The following NPRL3 variants were observed in gnomAD, a reference collection of about 807,000 sequenced individuals.
NPRL3 encodes the protein GATOR1 complex protein NPRL3.
Under a neutral mutation model 57.2 loss-of-function variants are expected in NPRL3, and 23 were observed. That is an observed-to-expected ratio of 0.40 (90% CI 0.29 to 0.57). NPRL3 has a LOEUF of 0.57. Ranked by LOEUF, NPRL3 falls within the 20% of genes least tolerant of loss-of-function variation. NPRL3 has a pLI of 0.42. For synonymous variants in NPRL3, 333 were observed against 321.1 expected, an observed-to-expected ratio of 1.04 and a Z score of -0.39; for missense variants, 691 against 767.1, an observed-to-expected ratio of 0.90 and a Z score of 1.17.
rs1395214982 is a variant in NPRL3, at chr16:136,848, T to C, written c.118+1302A>G. 2.0e-5 allele frequency among the ~76,000 whole-genome samples: 3 copies of C among 152,074 alleles called. No homozygotes were observed. The East Asian group carries it at 5.8e-4, about 29-fold the overall frequency. On this transcript the variant is annotated intron_variant, in intron 2 of 13. Coordinates refer to ENST00000611875, the MANE Select transcript of NPRL3 (RefSeq NM_001077350.3). ...CTTTCTTTTCATAATCTAAACTCCT[T>C]TGTATCTTTAAAACTTTCTGCCATA...
At chr16:98,348 T>C in intron 8 of NPRL3, 47 bp from the exon 9 acceptor site, 1 of 1,593,638 alleles carries the variant, frequency 6.3e-7, no homozygotes, top group Non-Finnish European at 8.5e-7. Context: ...GCAGGAACCC[T>C]GCACCGGGTA....
intron 3 of NPRL3, among the ~76,000 whole-genome samples, chr16:122,704 GACC>G (rs1349783280): frequency 6.6e-6 from 1 of 152,188 alleles, no homozygotes; most frequent in African/African-American, 2.4e-5. Flanking sequence ...AACAGGCCAG[GACC>G]TTCTATCACT....
intron 9 of NPRL3, among the ~76,000 whole-genome samples, chr16:93,850 C>T (rs1197620957): frequency 1.3e-5 from 2 of 152,142 alleles, no homozygotes; most frequent in Admixed American, 1.3e-4. Context: ...CATGAGCCAC[C>T]GCACCCGGCC....
At chr16:119,380 G>T in intron 3 of NPRL3, 125 bp from the exon 4 acceptor site, 1 of 880,244 alleles carries the variant, frequency 1.1e-6, no homozygotes, top group Non-Finnish European at 1.7e-6. Flanking sequence ...TGCCCCGACT[G>T]CTGGTGGAAG....
intron 3 of NPRL3, 31 bp downstream of exon 3, chr16:130,491 C>G: frequency 6.5e-7 from 1 of 1,543,218 alleles, no homozygotes; most frequent in Middle Eastern, 1.8e-4. Flanking sequence ...CCAGGACACG[C>G]CCCGCCCTGA....
At chr16:119,005 C>G in intron 4 of NPRL3, 121 bp downstream of exon 4, 2 of 1,424,338 alleles carry the variant, frequency 1.4e-6, no homozygotes, top group Non-Finnish European at 1.9e-6. Context: ...GAGAGCCACA[C>G]CTGCCCAGGG....
intron 6 of NPRL3, among the ~76,000 whole-genome samples, chr16:111,885 T>C (rs1899831395): frequency 6.6e-6 from 1 of 152,206 alleles, no homozygotes; most frequent in Non-Finnish European, 1.5e-5. Context: ...CCTAATTCTC[T>C]CTTTTGTTAT....
chr16:94,783 C>G (rs148182328), intron 9 of NPRL3, among the ~76,000 whole-genome samples: 2 of 152,242 alleles, frequency 1.3e-5, no homozygotes, highest in South Asian at 4.2e-4. Context: ...TGTTCCCTCA[C>G]CCCACGTGCC....
chr16:137,423 G>C (rs1055033105), intron 2 of NPRL3, among the ~76,000 whole-genome samples: 3 of 152,194 alleles, frequency 2.0e-5, no homozygotes, highest in Non-Finnish European at 4.4e-5. Context: ...AACCTCACGC[G>C]ACGTTCCCTT....
chr16:103,282 T>C (rs1337643711), intron 7 of NPRL3, among the ~76,000 whole-genome samples: 5 of 130,378 alleles, frequency 3.8e-5, no homozygotes, highest in South Asian at 2.6e-4. Context: ...ACGTGCAACA[T>C]CACGCCTGGG....
rs533871530 is a variant in NPRL3 at position 103,296 on chromosome 16, A to ATTTTTTTTTTTTT, written c.630-2800_630-2788dup. 2.8e-3 allele frequency among the ~76,000 whole-genome samples: 116 copies of ATTTTTTTTTTTTT among 42,120 alleles called. 28 individuals are homozygous for ATTTTTTTTTTTTT. The highest frequency in any genetic ancestry group is 3.6e-3 in the South Asian group (3 of 830). The allele number at this position is 42,120 out of a possible 152,430, so 27.6% of individuals were successfully genotyped here. A position where few individuals can be genotyped will look rare whatever the true frequency, so the allele number is the denominator to read the frequency against. On this transcript the variant is annotated intron_variant, in intron 7 of 13. Coordinates refer to ENST00000611875, the MANE Select transcript of NPRL3 (RefSeq NM_001077350.3). ...GACGTGCAACATCACGCCTGGGGTG[A>ATTTTTTTTTTTTT]TTTTTTTTTTTTTTTTTTTTTTTTT...
At chr16:92,471 C>T in intron 11 of NPRL3, 125 bp downstream of exon 11, 1 of 1,254,644 alleles carries the variant, frequency 8.0e-7, no homozygotes, top group East Asian at 2.6e-5. Context: ...CACGGCAAGC[C>T]CCCAAAACCA....
intron 9 of NPRL3, 85 bp from the exon 10 acceptor site, chr16:93,410 G>A: frequency 1.2e-6 from 1 of 853,218 alleles, no homozygotes; most frequent in East Asian, 2.6e-5. Flanking sequence ...GGGTGGCCAT[G>A]GCCTACCAGC....
At chr16:131,597 CAAAAAAAAA>C (rs59373757) in intron 2 of NPRL3, among the ~76,000 whole-genome samples, 2 of 69,718 alleles carry the variant, frequency 2.9e-5, no homozygotes, top group Non-Finnish European at 5.5e-5. Context: ...GACTCAGTCT[CAAAAAAAAA>C]AAAAAAAAAA....
chr16:102,769 G>A (rs538134964), intron 7 of NPRL3, among the ~76,000 whole-genome samples: 8 of 152,278 alleles, frequency 5.3e-5, no homozygotes, highest in East Asian at 3.9e-4. Context: ...ACGTCAATAC[G>A]GGGTGCTCAG....
At chr16:134,354 CCCGGAGTAAAAAAATTTAAAAA>C (rs1214547337) in intron 2 of NPRL3, among the ~76,000 whole-genome samples, 1 of 151,960 alleles carries the variant, frequency 6.6e-6, no homozygotes, top group Non-Finnish European at 1.5e-5. Flanking sequence ...ATAATACTTT[CCCGGAGTAAAAAAATTTAAAAA>C]CCTAGTGATG....
Position 118,980 on chromosome 16 carries a change from C to T in NPRL3, c.318+146G>A, listed in dbSNP as rs567009936. ...GGAAGCCAAATCTACCCAGGGGGAG[C>T]CCCACCTGCCCAAGGAGAGCCACAC... On this transcript the variant is annotated intron_variant, in intron 4 of 13. Transcript: ENST00000611875. 5.6e-4 allele frequency: 686 copies of T among 1,229,442 alleles called. 14 individuals carry two copies. In the South Asian group the frequency reaches 9.4e-3, roughly 17 times the overall value. The allele number at this position is 1,229,442 out of a possible 1,614,324, so 76.2% of individuals were successfully genotyped here.
chr16:92,551 A>T, intron 11 of NPRL3, 45 bp downstream of exon 11: 1 of 1,600,690 alleles, frequency 6.2e-7, no homozygotes, highest in Non-Finnish European at 8.5e-7. Flanking sequence ...GTGCCTATCC[A>T]CTACACACCT....
At chr16:92,513 C>A in intron 11 of NPRL3, 83 bp downstream of exon 11, 10 of 1,507,012 alleles carry the variant, frequency 6.6e-6, no homozygotes, top group Non-Finnish European at 7.2e-6. Flanking sequence ...TGAGGGCTCT[C>A]AGATCAGAAC....
Sources: gnomAD v4.1 joint callset for allele counts (sites outside exome capture counted in the v4.1 genomes callset) on GRCh38, gnomAD v4.1.1 for gene constraint, MANE v1.5 for transcripts, NCBI Gene and HGNC (gene_info 2026-07-23, HGNC 2026-07-21) for gene names.